Variants in BAG6 observed in about 807,000 individuals in gnomAD.
BAG6 encodes BAG cochaperone 6, also known as large proline-rich protein BAG6.
In BAG6, 22 loss-of-function variants were observed where a neutral mutation model predicts 121.0. The observed-to-expected ratio is 0.18, with a 90% CI of 0.13 to 0.26. The LOEUF is 0.26. Ranked by LOEUF, BAG6 falls within the 10% of genes least tolerant of loss-of-function variation. BAG6 has a pLI of 1.00. For missense variants in BAG6, 1,233 were observed against 1,537.7 expected, an observed-to-expected ratio of 0.80 and a Z score of 3.31; for synonymous variants, 583 against 584.6, an observed-to-expected ratio of 1.00 and a Z score of 0.04.
chr6:31,646,388 G>A lies in BAG6; in HGVS notation c.918+6C>T, dbSNP rs1401677400. 2 of 1,612,440 alleles carry A rather than the reference G, an allele frequency of 1.2e-6. No individual in the cohort carries two copies. Among genetic ancestry groups the A allele is most frequent in the Admixed American group, 3.3e-5 (2 of 59,944 alleles). On this transcript the variant is annotated splice_donor_region_variant and intron_variant, in intron 8 of 25. Transcript: ENST00000676615. ...GGAGAAAGGGCAGGGCCATCAAAGG[G>A]CTCACATTGTTATTGTAGTCCGTGG...
Position 31,644,955 on chromosome 6 carries a change from T to C in BAG6, c.1360A>G (p.Asn454Asp). ...SVEPVVMMHM[N>D]IQDSGTQPGG... ...CAGCAACTATTCTCACCTTGAATGT[T>C]CATGTGCATCATGACCACGGGTTCC... Residue 454 changes from asparagine (N) to aspartate (D), a missense_variant, in exon 10 of 26, where the codon AAC becomes GAC. This residue lies in a region of BAG6 where 777 missense variants were observed against 861.4 expected (regional missense o/e 0.90). Coordinates refer to ENST00000676615, the MANE Select transcript of BAG6 (RefSeq NM_001387994.1). The surrounding 1 kb of genome is among the most constrained non-coding windows in gnomAD (Gnocchi z 4.9). 1 of 1,583,126 alleles carries C rather than the reference T, an allele frequency of 6.3e-7. No homozygotes were observed. The highest frequency in any genetic ancestry group is 8.6e-7 in the Non-Finnish European group (1 of 1,163,856).
In BAG6 at chr6:31,640,566, T is replaced by G; in HGVS notation, c.2995-38A>C. 1 of 1,612,464 alleles carries G rather than the reference T, an allele frequency of 6.2e-7. No individual in the cohort carries two copies. The highest frequency in any genetic ancestry group is 2.2e-5 in the East Asian group (1 of 44,868). Reference sequence around the variant, plus strand: ...TGGCGGGAAGAGCCAGGCTTCAGAATTTTTAGCCTCCAAACCTTTCTCCCC... The same window carrying G: ...TGGCGGGAAGAGCCAGGCTTCAGAAGTTTTAGCCTCCAAACCTTTCTCCCC... On this transcript the variant is annotated intron_variant, in intron 22 of 25. Transcript: ENST00000676615. This position sits in a 1 kb window ranked among gnomAD's most constrained non-coding sequence, Gnocchi z 4.2.
At chr6:31,639,281 C>T in intron 25 of BAG6, 55 bp from the exon 26 acceptor site, 1 of 1,526,964 alleles carries the variant, frequency 6.5e-7, no homozygotes, top group Non-Finnish European at 9.0e-7. Flanking sequence ...CCCATGATCC[C>T]AGCAAGCACA....
chr6:31,640,362 C>T lies in BAG6; in HGVS notation c.3138+23G>A. The T allele has an allele frequency of 6.2e-7, 1 of 1,614,216 alleles. No individual in the cohort carries two copies. Among genetic ancestry groups the T allele is most frequent in the Non-Finnish European group, 8.5e-7 (1 of 1,180,034 alleles). On this transcript the variant is annotated intron_variant, in intron 23 of 25. Transcript: ENST00000676615. This position sits in a 1 kb window ranked among gnomAD's most constrained non-coding sequence, Gnocchi z 4.2. ...CTTGACTTTCAGCTGCCATGACCCACTGGATTACTTCCTGACACTTACTGG... is the reference window on the plus strand; with the variant it reads ...CTTGACTTTCAGCTGCCATGACCCATTGGATTACTTCCTGACACTTACTGG...
rs751878926 is a variant in BAG6 at position 31,640,547 on chromosome 6, G to A, written c.2995-19C>T. The A allele has an allele frequency of 3.1e-6, 5 of 1,612,604 alleles. 1 individual carries two copies. The highest frequency in any genetic ancestry group is 4.5e-5 in the East Asian group (2 of 44,888). Reference sequence around the variant, plus strand: ...TCTCCCGCTGGGTGTCAGATGGCGGGAAGAGCCAGGCTTCAGAATTTTTAG... The same window carrying A: ...TCTCCCGCTGGGTGTCAGATGGCGGAAAGAGCCAGGCTTCAGAATTTTTAG... On this transcript the variant is annotated intron_variant, in intron 22 of 25. Coordinates refer to ENST00000676615, the MANE Select transcript of BAG6 (RefSeq NM_001387994.1). This position sits in a 1 kb window ranked among gnomAD's most constrained non-coding sequence, Gnocchi z 4.2.
rs1427791002 is a variant in BAG6 at position 31,646,386 on chromosome 6, G to A, written c.918+8C>T. 6.2e-7 allele frequency: 1 copy of A among 1,611,952 alleles called. No individual in the cohort carries two copies. The highest frequency in any genetic ancestry group is 2.2e-5 in the East Asian group (1 of 44,838). ...GAGGAGAAAGGGCAGGGCCATCAAA[G>A]GGCTCACATTGTTATTGTAGTCCGT... is the stretch of plus-strand genomic sequence containing the variant. On this transcript the variant is annotated splice_region_variant and intron_variant, in intron 8 of 25. Coordinates refer to ENST00000676615, the MANE Select transcript of BAG6 (RefSeq NM_001387994.1).
chr6:31,642,386 A>AG lies in BAG6; in HGVS notation c.2060dup (p.Pro688SerfsTer37). On this transcript the variant is annotated frameshift_variant, in exon 16 of 26. Transcript: ENST00000676615. LOFTEE classifies it high-confidence loss of function. ...GGGGTGGAGGAGGTGGGGGTGGTGG[A>AG]GGGGCTGTCTGTGTTGCCTGGCAAA... 1 of 249,472 alleles carries AG rather than the reference A, an allele frequency of 4.0e-6. No individual in the cohort carries two copies. Among genetic ancestry groups the AG allele is most frequent in the South Asian group, 3.5e-5 (1 of 28,614 alleles). 15.5% of individuals were successfully genotyped at this position (249,472 alleles called of 1,614,324 possible).
rs1460775077 is a variant in BAG6 at position 31,645,042 on chromosome 6, C to A, written c.1273G>T (p.Gly425Cys). 2 of 1,612,818 alleles carry A rather than the reference C, an allele frequency of 1.2e-6. No individual in the cohort carries two copies. Among genetic ancestry groups the A allele is most frequent in the South Asian group, 1.1e-5 (1 of 91,066 alleles). Residue 425 changes from glycine to cysteine, a missense_variant, in exon 10 of 26, where the codon GGT becomes TGT. This residue lies in a region of BAG6 where 777 missense variants were observed against 861.4 expected (regional missense o/e 0.90). Coordinates refer to ENST00000676615, the MANE Select transcript of BAG6 (RefSeq NM_001387994.1). ...ESSAEGAPPPGPAPPPATSHP... is the reference protein window; with the variant it reads ...ESSAEGAPPPCPAPPPATSHP... ...CTGGTGGCTGGCGGGGGAGCTGGACCTGGCGGGGGAGCCCCCTCAGCTGAG... is the reference window on the plus strand; with the variant it reads ...CTGGTGGCTGGCGGGGGAGCTGGACATGGCGGGGGAGCCCCCTCAGCTGAG...
In BAG6 at chr6:31,641,759, C is replaced by G. The variant is rs1366344236; in HGVS notation, c.2505+17G>C. On this transcript the variant is annotated intron_variant, in intron 17 of 25. Transcript: ENST00000676615. This position sits in a 1 kb window ranked among gnomAD's most constrained non-coding sequence, Gnocchi z 5.7. ...GTGCAAAAGAGGAGAGTTCTGGGGCCCCTGGCCTTCATTTACCCGGATGTT... is the reference window on the plus strand; with the variant it reads ...GTGCAAAAGAGGAGAGTTCTGGGGCGCCTGGCCTTCATTTACCCGGATGTT... 6.2e-7 allele frequency: 1 copy of G among 1,612,714 alleles called. No homozygotes were observed. Among genetic ancestry groups the G allele is most frequent in the East Asian group, 2.2e-5 (1 of 44,862 alleles).
At chr6:31,651,921 G>A in intron 1 of BAG6, 145 bp from the exon 2 acceptor site, 1 of 571,626 alleles carries the variant, frequency 1.7e-6, no homozygotes, top group South Asian at 2.1e-5. Context: ...TCCCCCTTCT[G>A]ATTCCGGGGC....
chr6:31,646,276 G>T, intron 8 of BAG6, 118 bp downstream of exon 8: 1 of 1,447,592 alleles, frequency 6.9e-7, no homozygotes, highest in South Asian at 1.3e-5. Flanking sequence ...GTGAGCCACT[G>T]CACCTGGCCC....
At chr6:31,639,898 G>A (rs1324043919) in intron 24 of BAG6, 8 of 616,656 alleles carry the variant, frequency 1.3e-5, no homozygotes, top group African/African-American at 3.7e-5. Flanking sequence ...CAAGCCATCC[G>A]GGATTCAGAG....
Position 31,645,440 on chromosome 6 carries a change from G to A in BAG6, c.1083C>T (p.Pro361=). ...VVRPMSHYTT[P]MVLQQAAIPI... Reference sequence around the variant, plus strand: ...GAATGGCTGCCTGCTGGAGCACCATGGGGGTGGTGTAGTGAGACATAGGCC... The same window carrying A: ...GAATGGCTGCCTGCTGGAGCACCATAGGGGTGGTGTAGTGAGACATAGGCC... The change falls in exon 9 of 26, where the codon CCC becomes CCT. Residue 361 remains proline (P), a synonymous_variant. Coordinates refer to ENST00000676615, the MANE Select transcript of BAG6 (RefSeq NM_001387994.1). 1.2e-6 allele frequency: 2 copies of A among 1,613,058 alleles called. No individual in the cohort carries two copies. The highest frequency in any genetic ancestry group is 8.5e-7 in the Non-Finnish European group (1 of 1,180,014).
At chr6:31,646,781 T>TG (rs1235556348) in intron 7 of BAG6, among the ~76,000 whole-genome samples, 5 of 135,908 alleles carry the variant, frequency 3.7e-5, no homozygotes, top group Non-Finnish European at 8.0e-5. Context: ...TTTTTTTTTT[T>TG]TTTTTTTTTT....
At position 31,641,084 on chromosome 6, in the gene BAG6, TG is replaced by T; in HGVS notation, c.2787+19del. 1 of 1,612,718 alleles carries T rather than the reference TG, an allele frequency of 6.2e-7. No homozygotes were observed. Among genetic ancestry groups the T allele is most frequent in the Non-Finnish European group, 8.5e-7 (1 of 1,179,756 alleles). On this transcript the variant is annotated intron_variant, in intron 20 of 25. Coordinates refer to ENST00000676615, the MANE Select transcript of BAG6 (RefSeq NM_001387994.1). This position sits in a 1 kb window ranked among gnomAD's most constrained non-coding sequence, Gnocchi z 5.7. The stretch of plus-strand genomic sequence containing the variant: ...CTCAGGAAACAAAAGGCTAAGGATC[TG>T]GGGCTAGGTGGTGCTTACAATTCGG...
Position 31,641,764 on chromosome 6 carries a change from G to C in BAG6, c.2505+12C>G, listed in dbSNP as rs768565009. ...AAAGAGGAGAGTTCTGGGGCCCCTG[G>C]CCTTCATTTACCCGGATGTTACTGG... On this transcript the variant is annotated intron_variant, in intron 17 of 25. Transcript: ENST00000676615. The surrounding 1 kb of genome is among the most constrained non-coding windows in gnomAD (Gnocchi z 5.7). 1 of 1,612,760 alleles carries C rather than the reference G, an allele frequency of 6.2e-7. No individual in the cohort carries two copies. The highest frequency in any genetic ancestry group is 1.1e-5 in the South Asian group (1 of 91,044).
chr6:31,642,362 G>C lies in BAG6; in HGVS notation c.2085C>G (p.Pro695=), dbSNP rs2150734335. The change falls in exon 16 of 26, where the codon CCC becomes CCG. Residue 695 remains proline, a synonymous_variant. Transcript: ENST00000676615. ...TAPPPPPPPP[P]PPPAPEQQTM... ...TCTGCTGCTCTGGGGCAGGTGGTGGGGGTGGAGGAGGTGGGGGTGGTGGAG... is the reference window on the plus strand; with the variant it reads ...TCTGCTGCTCTGGGGCAGGTGGTGGCGGTGGAGGAGGTGGGGGTGGTGGAG... The C allele has an allele frequency of 7.2e-7, 1 of 1,397,538 alleles. No homozygotes were observed. Among genetic ancestry groups the C allele is most frequent in the South Asian group, 1.2e-5 (1 of 80,668 alleles). The allele number at this position is 1,397,538 out of a possible 1,614,324, so 86.6% of individuals were successfully genotyped here.
chr6:31,642,481 G>A, intron 15 of BAG6, 78 bp from the exon 16 acceptor site: 1 of 711,402 alleles, frequency 1.4e-6, no homozygotes, highest in Non-Finnish European at 2.4e-6. Flanking sequence ...GCATCAAGAG[G>A]GCACAAACCA....
rs1329235757 is a variant in BAG6 at position 31,645,463 on chromosome 6, G to A, written c.1060C>T (p.Pro354Ser). 6.2e-7 allele frequency: 1 copy of A among 1,613,070 alleles called. No individual in the cohort carries two copies. The highest frequency in any genetic ancestry group is 8.5e-7 in the Non-Finnish European group (1 of 1,180,012). Residue 354 changes from proline to serine, a missense_variant, in exon 9 of 26, where the codon CCT becomes TCT. Pro to Ser is a moderately conservative substitution (Grantham distance 74). This residue lies in a region of BAG6 where 777 missense variants were observed against 861.4 expected (regional missense o/e 0.90). Coordinates refer to ENST00000676615, the MANE Select transcript of BAG6 (RefSeq NM_001387994.1). ...ATGGGGGTGGTGTAGTGAGACATAG[G>A]CCGGACCACATGCAGGTGTCGTGGG... The part of the protein sequence containing the change: ...TPPRHLHVVR[P>S]MSHYTTPMVL...
Sources: allele counts gnomAD v4.1 joint callset (sites outside exome capture counted in the v4.1 genomes callset), GRCh38; gene constraint gnomAD v4.1.1; regional missense constraint gnomAD v4.1.1; non-coding constraint Gnocchi (gnomAD v3.1); transcripts MANE v1.5; gene names NCBI Gene and HGNC (gene_info 2026-07-23, HGNC 2026-07-21).